The following KCNH8 variants were observed in gnomAD, a reference collection of about 807,000 sequenced individuals.
KCNH8 encodes potassium voltage-gated channel subfamily H member 8.
In KCNH8, 70 loss-of-function variants were observed where a neutral mutation model predicts 103.6. The observed-to-expected ratio is 0.68, with a 90% CI of 0.56 to 0.82. The LOEUF (loss-of-function observed/expected upper bound fraction) is 0.82. Ranked by LOEUF, KCNH8 falls within the 40% of genes least tolerant of loss-of-function variation. The pLI is 0.00. For synonymous variants in KCNH8, 498 were observed against 489.4 expected (o/e 1.02, Z -0.23); for missense variants, 1,217 against 1,329.9 (o/e 0.92, Z 1.32).
At chr3:19,210,268 G>T (rs1031603561) in intron 1 of KCNH8, among the ~76,000 whole-genome samples, 3 of 151,778 alleles carry the variant, frequency 2.0e-5, no homozygotes, top group Non-Finnish European at 2.9e-5. Context: ...GGCTCTCGAT[G>T]TTTTTTTTCT....
intron 6 of KCNH8, among the ~76,000 whole-genome samples, chr3:19,392,330 A>AAAAAG (rs1246145527): frequency 1.3e-5 from 2 of 150,510 alleles, no homozygotes; most frequent in Non-Finnish European, 3.0e-5. Flanking sequence ...AAAAAAAAAA[A>AAAAAG]AAAAGAAAAG....
intron 11 of KCNH8, among the ~76,000 whole-genome samples, chr3:19,501,471 C>A (rs947861288): frequency 3.9e-5 from 6 of 151,914 alleles, no homozygotes; most frequent in African/African-American, 9.7e-5. Flanking sequence ...GAGACACAAC[C>A]AAAAAAGAGA....
chr3:19,497,630 G>C (rs1165043011), intron 11 of KCNH8, among the ~76,000 whole-genome samples: 1 of 152,064 alleles, frequency 6.6e-6, no homozygotes, highest in Non-Finnish European at 1.5e-5. Flanking sequence ...CAATTTCTTT[G>C]AATTTGCTGA....
chr3:19,434,463 A>T (rs1320622788), intron 7 of KCNH8, among the ~76,000 whole-genome samples: 1 of 151,968 alleles, frequency 6.6e-6, no homozygotes, highest in East Asian at 1.9e-4. Flanking sequence ...TCTGCAGCTG[A>T]GTAGTCCCAT....
At chr3:19,161,224 G>C (rs2063230873) in intron 1 of KCNH8, among the ~76,000 whole-genome samples, 1 of 152,140 alleles carries the variant, frequency 6.6e-6, no homozygotes, top group Non-Finnish European at 1.5e-5. Context: ...TTCCAATTGA[G>C]GGCAATTGGG....
rs541495987 is a variant in KCNH8, at chr3:19,386,044, T to G, written c.812-4437T>G. Among the ~76,000 whole-genome samples, 3 of 152,246 alleles carry G rather than the reference T, an allele frequency of 2.0e-5. No individual in the cohort carries two copies. The South Asian group carries it at 6.2e-4, about 32-fold the overall frequency. ...TAATAAAGAAAAGAAATCTACTAAT[T>G]TTTGCCATATTAAATTTAACCTCTT... On this transcript the variant is annotated intron_variant, in intron 5 of 15. Coordinates refer to ENST00000328405, the MANE Select transcript of KCNH8 (RefSeq NM_144633.3).
At chr3:19,394,448 A>C (rs954504400) in intron 6 of KCNH8, among the ~76,000 whole-genome samples, 1 of 151,784 alleles carries the variant, frequency 6.6e-6, no homozygotes, top group Non-Finnish European at 1.5e-5. Context: ...ATTTCATTTT[A>C]ATTCCCTAAG....
intron 1 of KCNH8, among the ~76,000 whole-genome samples, chr3:19,201,838 A>G (rs2063666023): frequency 6.6e-6 from 1 of 152,136 alleles, no homozygotes; most frequent in South Asian, 2.1e-4. Context: ...TAAATGTTTT[A>G]TTAATACTTA....
At chr3:19,522,261 G>T (rs2068984258) in intron 15 of KCNH8, among the ~76,000 whole-genome samples, 1 of 151,922 alleles carries the variant, frequency 6.6e-6, no homozygotes, top group South Asian at 2.1e-4. Flanking sequence ...TGGCAAACTG[G>T]AGAACCAGGA....
chr3:19,492,165 G>T (rs886145084), intron 11 of KCNH8, among the ~76,000 whole-genome samples: 3 of 151,986 alleles, frequency 2.0e-5, no homozygotes, highest in African/African-American at 7.3e-5. Context: ...TTATGCAGAA[G>T]CTCTTTAGTT....
At chr3:19,161,686 A>C (rs1169555969) in intron 1 of KCNH8, among the ~76,000 whole-genome samples, 1 of 152,190 alleles carries the variant, frequency 6.6e-6, no homozygotes, top group East Asian at 1.9e-4. Flanking sequence ...TAAAGGTATT[A>C]ATTTTATGGT....
chr3:19,424,615 C>A (rs1278466986), intron 7 of KCNH8, among the ~76,000 whole-genome samples: 1 of 152,010 alleles, frequency 6.6e-6, no homozygotes, highest in South Asian at 2.1e-4. Flanking sequence ...ATAGATTAGA[C>A]CTCATTAAAC....
intron 3 of KCNH8, among the ~76,000 whole-genome samples, chr3:19,304,850 C>T (rs529311817): frequency 6.6e-6 from 1 of 152,040 alleles, no homozygotes; most frequent in African/African-American, 2.4e-5. Context: ...TATTTTATAT[C>T]TATCAATTTA....
At chr3:19,291,682 A>G (rs1404341915) in intron 3 of KCNH8, among the ~76,000 whole-genome samples, 2 of 152,240 alleles carry the variant, frequency 1.3e-5, no homozygotes, top group African/African-American at 4.8e-5. Context: ...TCAATTTTGG[A>G]ATAGGTGTGG....
intron 5 of KCNH8, among the ~76,000 whole-genome samples, chr3:19,383,653 G>T (rs753003417): frequency 2.6e-5 from 4 of 152,162 alleles, no homozygotes; most frequent in Non-Finnish European, 5.9e-5. Context: ...GATTACAGGT[G>T]TGAGCCAATG....
At chr3:19,151,042 T>G (rs2063124059) in intron 1 of KCNH8, among the ~76,000 whole-genome samples, 1 of 152,088 alleles carries the variant, frequency 6.6e-6, no homozygotes, top group African/African-American at 2.4e-5. Context: ...AATAGCAGGA[T>G]GACTTGAATA....
intron 5 of KCNH8, among the ~76,000 whole-genome samples, chr3:19,377,303 C>T (rs184684319): frequency 1.3e-5 from 2 of 152,198 alleles, no homozygotes; most frequent in Admixed American, 6.5e-5. Flanking sequence ...GATTAACACA[C>T]ACTTTTTTAA....
At chr3:19,236,684 G>A (rs950996402) in intron 1 of KCNH8, among the ~76,000 whole-genome samples, 2 of 152,080 alleles carry the variant, frequency 1.3e-5, no homozygotes, top group African/African-American at 4.8e-5. Context: ...ATTCACTCAA[G>A]TTGCAGCCTT....
intron 7 of KCNH8, among the ~76,000 whole-genome samples, chr3:19,431,111 G>A (rs1460103609): frequency 6.6e-6 from 1 of 152,130 alleles, no homozygotes; most frequent in Admixed American, 6.5e-5. Context: ...CCTGATGTTG[G>A]CTGTGGGTTT....
Sources: allele counts gnomAD v4.1 joint callset (sites outside exome capture counted in the v4.1 genomes callset), GRCh38; gene constraint gnomAD v4.1.1; transcripts MANE v1.5; gene names NCBI Gene and HGNC (gene_info 2026-07-23, HGNC 2026-07-21).